Variants in ISL1 observed in about 807,000 individuals in gnomAD.
ISL1 encodes insulin gene enhancer protein ISL-1.
In ISL1, 4 loss-of-function variants were observed where a neutral mutation model predicts 35.3. The observed-to-expected ratio is 0.11, with a 90% CI of 0.06 to 0.26. The LOEUF is 0.26. ISL1 is among the 10% of genes least tolerant of loss of function. The pLI is 1.00. For synonymous variants in ISL1, 186 were observed against 172.3 expected, an observed-to-expected ratio of 1.08 and a Z score of -0.62; for missense variants, 340 against 472.8, an observed-to-expected ratio of 0.72 and a Z score of 2.60.
intron 4 of ISL1, 149 bp downstream of exon 4, chr5:51,390,081 C>T (rs1318956747): frequency 6.2e-6 from 6 of 963,902 alleles, no homozygotes; most frequent in Non-Finnish European, 7.6e-6. Context: ...TACCCCCCTA[C>T]CCATGCCCCG....
chr5:51,385,195 C>T (rs1747314347), intron 2 of ISL1, among the ~76,000 whole-genome samples: 1 of 152,106 alleles, frequency 6.6e-6, no homozygotes, highest in African/African-American at 2.4e-5. Context: ...AAAGTTTGAC[C>T]GAAGCATGTT....
chr5:51,389,642 G>A lies in ISL1; in HGVS notation c.479-4G>A, dbSNP rs2303750. The stretch of plus-strand genomic sequence containing the variant: ...CAGCGCTCACGGCGCTCCTTGCCCC[G>A]CAGCGGAGCCCATCTCCGCCAGGCA... On this transcript the variant is annotated splice_polypyrimidine_tract_variant and splice_region_variant and intron_variant, in intron 3 of 5. Transcript: ENST00000230658. This position sits in a 1 kb window ranked among gnomAD's most constrained non-coding sequence, Gnocchi z 5.0. 5.1e-3 allele frequency: 8,184 copies of A among 1,606,088 alleles called. 236 individuals are homozygous for A. The East Asian group carries it at 0.094, about 18-fold the overall frequency.
chr5:51,390,642 CTTTTTTTTTTTTTTTTTTTTT>C (rs57707586), intron 4 of ISL1, among the ~76,000 whole-genome samples: 21 of 40,250 alleles, frequency 5.2e-4, no homozygotes, highest in African/African-American at 1.4e-3. Flanking sequence ...CTTTCTTTTT[CTTTTTTTTTTTTTTTTTTTTT>C]TTTTTTTTTT....
chr5:51,392,539 G>A (rs1293691563), intron 5 of ISL1, among the ~76,000 whole-genome samples: 2 of 152,200 alleles, frequency 1.3e-5, no homozygotes, highest in Non-Finnish European at 2.9e-5. Flanking sequence ...CAAATGCTAA[G>A]TGGGTGCAGA....
At chr5:51,384,834 C>T in intron 2 of ISL1, 104 bp downstream of exon 2, 15 of 1,109,562 alleles carry the variant, frequency 1.4e-5, no homozygotes, top group Non-Finnish European at 1.6e-5. Flanking sequence ...AAGTTTGCCT[C>T]AGTGTAGTCA....
At chr5:51,386,013 G>T (rs2111838582) in intron 2 of ISL1, among the ~76,000 whole-genome samples, 1 of 152,222 alleles carries the variant, frequency 6.6e-6, no homozygotes, top group African/African-American at 2.4e-5. Flanking sequence ...TTCGGAGAGG[G>T]AGTGAAAGGA....
rs750806495 is a variant in ISL1, at chr5:51,389,633, C to T, written c.479-13C>T. ...CCTCCAGCCCAGCGCTCACGGCGCTCCTTGCCCCGCAGCGGAGCCCATCTC... is the reference window on the plus strand; with the variant it reads ...CCTCCAGCCCAGCGCTCACGGCGCTTCTTGCCCCGCAGCGGAGCCCATCTC... On this transcript the variant is annotated splice_polypyrimidine_tract_variant and intron_variant, in intron 3 of 5. Coordinates refer to ENST00000230658, the MANE Select transcript of ISL1 (RefSeq NM_002202.3). The surrounding 1 kb of genome is among the most constrained non-coding windows in gnomAD (Gnocchi z 5.0). 2.5e-6 allele frequency: 4 copies of T among 1,603,470 alleles called. No homozygotes were observed. In the Admixed American group the frequency reaches 6.7e-5, roughly 27 times the overall value.
At chr5:51,391,924 G>A (rs1278593944) in intron 5 of ISL1, among the ~76,000 whole-genome samples, 3 of 152,214 alleles carry the variant, frequency 2.0e-5, no homozygotes, top group African/African-American at 7.2e-5. Context: ...TACACAATCA[G>A]TGTTGTTATC....
At chr5:51,390,029 C>T in intron 4 of ISL1, 97 bp downstream of exon 4, 1 of 1,399,522 alleles carries the variant, frequency 7.1e-7, no homozygotes, top group Non-Finnish European at 9.8e-7. Context: ...GTTTTCAATC[C>T]TGCTCCTGGG....
At chr5:51,388,780 A>T (rs545457700) in intron 3 of ISL1, among the ~76,000 whole-genome samples, 10 of 152,244 alleles carry the variant, frequency 6.6e-5, no homozygotes, top group Admixed American at 2.0e-4. Flanking sequence ...GCACCGGGGC[A>T]CGGCTGGGGT....
chr5:51,390,715 C>T (rs1259900018), intron 4 of ISL1, among the ~76,000 whole-genome samples: 3 of 103,550 alleles, frequency 2.9e-5, no homozygotes, highest in African/African-American at 1.1e-4. Flanking sequence ...GCCATAAAAT[C>T]TGCTGTCATT....
chr5:51,388,980 T>C (rs2111845976), intron 3 of ISL1, among the ~76,000 whole-genome samples: 1 of 152,324 alleles, frequency 6.6e-6, no homozygotes, highest in South Asian at 2.1e-4. Context: ...ACCTTAGATT[T>C]AATACTAAGA....
intron 4 of ISL1, among the ~76,000 whole-genome samples, chr5:51,390,636 C>CTTTTTGTTTTTTTTTTTTT (rs1216503548): frequency 1.3e-5 from 1 of 74,328 alleles, no homozygotes; most frequent in African/African-American, 4.2e-5. Flanking sequence ...TCTTTTCTTT[C>CTTTTTGTTTTTTTTTTTTT]TTTTTCTTTT....
At chr5:51,388,281 AG>A (rs1747403500) in intron 3 of ISL1, among the ~76,000 whole-genome samples, 1 of 152,340 alleles carries the variant, frequency 6.6e-6, no homozygotes, top group East Asian at 1.9e-4. Context: ...GTGAGAGAAC[AG>A]GACTGAAAAG....
At position 51,383,604 on chromosome 5, in the gene ISL1, C is replaced by G; in HGVS notation, c.-68C>G. On this transcript the variant is annotated 5_prime_UTR_variant, in exon 1 of 6. Transcript: ENST00000230658. ...CCCACTTAGCCACAGCTCCAGCATC[C>G]TCTCTGTGGGCTGTTCACCAACTGT... The G allele has an allele frequency of 7.7e-7, 1 of 1,297,436 alleles. No homozygotes were observed. The allele number at this position is 1,297,436 out of a possible 1,614,324, so 80.4% of individuals were successfully genotyped here.
At chr5:51,383,721 T>C in intron 1 of ISL1, 22 bp downstream of exon 1, 1 of 1,602,626 alleles carries the variant, frequency 6.2e-7, no homozygotes, top group South Asian at 1.1e-5. Flanking sequence ...TTTTACCTTG[T>C]GGGGCTCGGT....
rs1747450648 is a variant in ISL1, at chr5:51,389,998, CCTGGTACG to C, written c.765+68_765+75del. On this transcript the variant is annotated intron_variant, in intron 4 of 5. Transcript: ENST00000230658. The surrounding 1 kb of genome is among the most constrained non-coding windows in gnomAD (Gnocchi z 5.0). ...GGAGACGCAGCGTGCGAGGTGCGTT[CCTGGTACG>C]CAGGATCGCACGGTTTTCAATCCTG... 1 of 1,555,342 alleles carries C rather than the reference CCTGGTACG, an allele frequency of 6.4e-7. No homozygotes were observed. The highest frequency in any genetic ancestry group is 1.4e-5 in the African/African-American group (1 of 73,904).
Position 51,389,651 on chromosome 5 carries a change from C to T in ISL1, c.484C>T (p.Pro162Ser). 1 of 1,608,608 alleles carries T rather than the reference C, an allele frequency of 6.2e-7. No homozygotes were observed. Reference sequence around the variant, plus strand: ...CGGCGCTCCTTGCCCCGCAGCGGAGCCCATCTCCGCCAGGCAGCCAGCCCT... The same window carrying T: ...CGGCGCTCCTTGCCCCGCAGCGGAGTCCATCTCCGCCAGGCAGCCAGCCCT... ...PARPLQMAAE[P>S]ISARQPALRP... The change falls in exon 4 of 6, where the codon CCC becomes TCC. Residue 162 changes from proline to serine, a missense_variant. This residue lies in a region of ISL1 where 94 missense variants were observed against 102.1 expected (regional missense o/e 0.92). Transcript: ENST00000230658. This position sits in a 1 kb window ranked among gnomAD's most constrained non-coding sequence, Gnocchi z 5.0.
chr5:51,384,978 C>G (rs1327071261), intron 2 of ISL1, among the ~76,000 whole-genome samples: 2 of 152,174 alleles, frequency 1.3e-5, no homozygotes, highest in African/African-American at 2.4e-5. Flanking sequence ...TGTTTAATTA[C>G]TCTTGGAGTT....
Sources: gnomAD v4.1 joint callset for allele counts (sites outside exome capture counted in the v4.1 genomes callset) on GRCh38, gnomAD v4.1.1 for gene constraint, gnomAD v4.1.1 regional missense constraint, Gnocchi (gnomAD v3.1) non-coding constraint, MANE v1.5 for transcripts, NCBI Gene and HGNC (gene_info 2026-07-23, HGNC 2026-07-21) for gene names.